RRM2B: variants seen among roughly 807,000 people sequenced by gnomAD.
The protein encoded by RRM2B is ribonucleoside-diphosphate reductase subunit M2 B.
Under a neutral mutation model 45.9 loss-of-function variants are expected in RRM2B, and 20 were observed. The ratio of observed to expected loss-of-function variants is 0.44; its 90% CI spans 0.31 to 0.63. The LOEUF is 0.63. Ranked by LOEUF, RRM2B falls within the 30% of genes least tolerant of loss-of-function variation. RRM2B has a pLI of 0.09. For missense variants in RRM2B, 320 were observed against 414.7 expected, an observed-to-expected ratio of 0.77 and a Z score of 1.98; for synonymous variants, 124 against 132.3, an observed-to-expected ratio of 0.94 and a Z score of 0.43.
intron 3 of RRM2B, 23 bp from the exon 4 acceptor site, chr8:102,225,041 T>TA: frequency 1.2e-6 from 2 of 1,613,314 alleles, no homozygotes; most frequent in Non-Finnish European, 1.7e-6. Context: ...GGAAAATAGA[T>TA]ATATCCAGTT....
At chr8:102,224,817 G>T in intron 4 of RRM2B, 68 bp downstream of exon 4, 1 of 1,435,718 alleles carries the variant, frequency 7.0e-7, no homozygotes, top group Non-Finnish European at 9.8e-7. Flanking sequence ...ATTGAGTTTT[G>T]GAATAAATTC....
Position 102,208,547 on chromosome 8 carries a change from G to C in RRM2B, c.904-262C>G, listed in dbSNP as rs149985788. ...TAGAAAAAAAAACACAACTATTTCA[G>C]GAATTGAAATATTTAATACTAACCA... On this transcript the variant is annotated intron_variant, in intron 8 of 8. Transcript: ENST00000251810. Among the ~76,000 whole-genome samples, 444 of 152,070 alleles carry C rather than the reference G, an allele frequency of 2.9e-3. 3 individuals are homozygous for C. Among genetic ancestry groups the C allele is most frequent in the Non-Finnish European group, 2.9e-3 (197 of 67,974 alleles).
intron 1 of RRM2B, 128 bp downstream of exon 1, chr8:102,238,699 C>A: frequency 6.4e-7 from 1 of 1,558,014 alleles, no homozygotes; most frequent in Non-Finnish European, 8.7e-7. Context: ...AGCCAGGCTG[C>A]GGCGAGGGCG....
At chr8:102,236,716 G>A (rs1811127857) in intron 1 of RRM2B, among the ~76,000 whole-genome samples, 1 of 152,334 alleles carries the variant, frequency 6.6e-6, no homozygotes. Context: ...AGCCGCACAG[G>A]TGTAAAGTGA....
chr8:102,237,560 A>G (rs182677392), intron 1 of RRM2B, among the ~76,000 whole-genome samples: 1 of 152,356 alleles, frequency 6.6e-6, no homozygotes, highest in East Asian at 1.9e-4. Context: ...GCAACCCAGC[A>G]TCTCAAGTTA....
chr8:102,229,471 G>C (rs1810991362), intron 2 of RRM2B, among the ~76,000 whole-genome samples: 1 of 152,170 alleles, frequency 6.6e-6, no homozygotes, highest in African/African-American at 2.4e-5. Context: ...GCAGGGTGGA[G>C]GAAATATTTG....
At chr8:102,234,608 T>C (rs889570840) in intron 1 of RRM2B, 1 of 152,092 alleles carries the variant, frequency 6.6e-6, no homozygotes, top group Admixed American at 6.5e-5. Context: ...TCCCAGCACT[T>C]TGGGAGGCCG....
At chr8:102,219,028 A>T (rs1313302228) in intron 5 of RRM2B, 81 bp from the exon 6 acceptor site, 2 of 1,384,240 alleles carry the variant, frequency 1.4e-6, no homozygotes, top group Middle Eastern at 1.8e-4. Flanking sequence ...TATAACAATA[A>T]ATACCACAAC....
chr8:102,220,592 C>A (rs759235180), intron 5 of RRM2B, among the ~76,000 whole-genome samples: 1 of 152,180 alleles, frequency 6.6e-6, no homozygotes, highest in African/African-American at 2.4e-5. Flanking sequence ...GCGTGCGTCA[C>A]CATGCCTGGC....
intron 1 of RRM2B, chr8:102,238,553 T>A (rs1418591451): frequency 6.6e-6 from 10 of 1,510,052 alleles, no homozygotes; most frequent in Non-Finnish European, 8.8e-6. Flanking sequence ...CAGGGGTAAG[T>A]CTCACCCCGG....
chr8:102,236,676 T>C (rs987728945), intron 1 of RRM2B, among the ~76,000 whole-genome samples: 20 of 152,160 alleles, frequency 1.3e-4, no homozygotes, highest in African/African-American at 2.4e-5. Context: ...GCAGGTAAGA[T>C]AGGAGATAGA....
Position 102,238,938 on chromosome 8 carries a change from A to C in RRM2B, c.-64T>G. 5 of 1,545,392 alleles carry C rather than the reference A, an allele frequency of 3.2e-6. No homozygotes were observed. Among genetic ancestry groups the C allele is most frequent in the Non-Finnish European group, 4.4e-6 (5 of 1,131,180 alleles). ...TGAGCTCCTCAGGCCACCTCCAACT[A>C]CGACAGCACCCAGGTGGTCCGCTGG... is the stretch of plus-strand genomic sequence containing the variant. On this transcript the variant is annotated 5_prime_UTR_variant, in exon 1 of 9. Transcript: ENST00000251810.
At position 102,235,377 on chromosome 8, in the gene RRM2B, A is replaced by C. The variant is rs1285357507; in HGVS notation, c.49-3073T>G. ...GGTGATAACAAGATCTAAAAGGCAC[A>C]CACAAGGTGCTCAGTACCTGGAGAA... On this transcript the variant is annotated intron_variant, in intron 1 of 8. Transcript: ENST00000251810. Among the ~76,000 whole-genome samples, 4 of 152,348 alleles carry C rather than the reference A, an allele frequency of 2.6e-5. No individual in the cohort carries two copies. The East Asian group carries it at 7.7e-4, about 29-fold the overall frequency.
At chr8:102,238,560 C>T in intron 1 of RRM2B, 1 of 1,516,810 alleles carries the variant, frequency 6.6e-7, no homozygotes, top group Non-Finnish European at 8.8e-7. Flanking sequence ...AAGTCTCACC[C>T]CGGCCTGAGG....
chr8:102,208,635 C>T (rs755196064), intron 8 of RRM2B, among the ~76,000 whole-genome samples: 4 of 152,152 alleles, frequency 2.6e-5, no homozygotes, highest in Non-Finnish European at 5.9e-5. Context: ...ATAGATATTA[C>T]TATTAGTCAG....
At chr8:102,226,161 T>C in intron 2 of RRM2B, 127 bp from the exon 3 acceptor site, 1 of 672,244 alleles carries the variant, frequency 1.5e-6, no homozygotes, top group Non-Finnish European at 2.7e-6. Flanking sequence ...AAGAAAGATG[T>C]TAGCACTGCA....
intron 5 of RRM2B, among the ~76,000 whole-genome samples, chr8:102,222,611 T>C (rs1170810420): frequency 6.6e-6 from 1 of 152,204 alleles, no homozygotes; most frequent in African/African-American, 2.4e-5. Context: ...CAATGGTATT[T>C]TCTAGAGGCT....
chr8:102,214,286 G>GTA (rs1810687449), intron 6 of RRM2B, 128 bp from the exon 7 acceptor site: 1 of 702,948 alleles, frequency 1.4e-6, no homozygotes, highest in African/African-American at 1.8e-5. Flanking sequence ...TGGAAGAGGG[G>GTA]TTAATAGGAC....
In RRM2B at chr8:102,206,702, A is replaced by G. The variant is rs2132538236; in HGVS notation, c.*1431T>C. The G allele has an allele frequency of 6.6e-6, 1 of 152,310 alleles. No individual in the cohort carries two copies. Among genetic ancestry groups the G allele is most frequent in the East Asian group, 1.9e-4 (1 of 5,190 alleles). 9.4% of individuals were successfully genotyped at this position (152,310 alleles called of 1,614,324 possible). A position where few individuals can be genotyped will look rare whatever the true frequency, so the allele number is the denominator to read the frequency against. Reference sequence around the variant, plus strand: ...AGTATTTCAGTATTAAGACTTCTTCATCCAAAGACAGGTCTAACTCTAACT... The same window carrying G: ...AGTATTTCAGTATTAAGACTTCTTCGTCCAAAGACAGGTCTAACTCTAACT... On this transcript the variant is annotated 3_prime_UTR_variant, in exon 9 of 9. Transcript: ENST00000251810.
Sources: allele counts gnomAD v4.1 joint callset (sites outside exome capture counted in the v4.1 genomes callset), GRCh38; gene constraint gnomAD v4.1.1; transcripts MANE v1.5; gene names NCBI Gene and HGNC (gene_info 2026-07-23, HGNC 2026-07-21).